Variants in CSMD1 observed in about 807,000 individuals in gnomAD.
CSMD1 encodes CUB and Sushi multiple domains 1, also known as CUB and sushi domain-containing protein 1.
A neutral mutation model predicts 417.5 loss-of-function variants in CSMD1; 213 were observed. That is an observed-to-expected ratio of 0.51 (90% confidence interval 0.46 to 0.57). The LOEUF is 0.57. Ranked by LOEUF, CSMD1 falls within the 20% of genes least tolerant of loss-of-function variation. The pLI, the probability that CSMD1 is intolerant of heterozygous loss-of-function variation, is 0.00. For missense variants in CSMD1, 6,923 were observed against 4,529.7 expected (o/e 1.53, Z -15.17); for synonymous variants, 2,862 against 1,736.8 (o/e 1.65, Z -16.11).
chr8:4,778,788 A>T (rs985802577), intron 1 of CSMD1, among the ~76,000 whole-genome samples: 1 of 152,260 alleles, frequency 6.6e-6, no homozygotes, highest in Non-Finnish European at 1.5e-5. Context: ...CATAACATAC[A>T]CTTCATTAGG....
chr8:3,903,844 G>A (rs1807929574), intron 5 of CSMD1, among the ~76,000 whole-genome samples: 1 of 151,998 alleles, frequency 6.6e-6, no homozygotes, highest in South Asian at 2.1e-4. Flanking sequence ...CTCTTTAGTG[G>A]TCTTGTTTGT....
intron 3 of CSMD1, among the ~76,000 whole-genome samples, chr8:4,161,010 C>T (rs1306510523): frequency 1.3e-5 from 2 of 152,174 alleles, no homozygotes; most frequent in East Asian, 1.9e-4. Context: ...TGTCCTTCTT[C>T]TTCTGGTTTG....
chr8:3,401,476 G>A (rs1259146638), intron 15 of CSMD1, among the ~76,000 whole-genome samples: 2 of 152,060 alleles, frequency 1.3e-5, no homozygotes, highest in African/African-American at 2.4e-5. Context: ...TAATAACACT[G>A]CCGATGAGCA....
intron 33 of CSMD1, among the ~76,000 whole-genome samples, chr8:3,199,081 A>G (rs947554918): frequency 6.6e-6 from 1 of 152,246 alleles, no homozygotes; most frequent in African/African-American, 2.4e-5. Flanking sequence ...AATGCAAAAC[A>G]AAAGTGAAAC....
intron 1 of CSMD1, among the ~76,000 whole-genome samples, chr8:4,939,075 C>A (rs1807812042): frequency 6.6e-6 from 1 of 152,166 alleles, no homozygotes; most frequent in African/African-American, 2.4e-5. Context: ...GCAAATAATT[C>A]TCCCCCCTCT....
intron 1 of CSMD1, among the ~76,000 whole-genome samples, chr8:4,781,670 G>C (rs1402060508): frequency 2.0e-5 from 3 of 152,134 alleles, no homozygotes; most frequent in Non-Finnish European, 4.4e-5. Flanking sequence ...CTGTAAAATG[G>C]TATCGGTCAT....
intron 3 of CSMD1, among the ~76,000 whole-genome samples, chr8:4,104,151 G>C (rs763196497): frequency 4.6e-5 from 7 of 152,232 alleles, no homozygotes; most frequent in Non-Finnish European, 8.8e-5. Flanking sequence ...GTCTGCAGCA[G>C]TTACTGTCCT....
intron 50 of CSMD1, among the ~76,000 whole-genome samples, chr8:3,044,202 G>T (rs1202286478): frequency 1.3e-5 from 2 of 152,190 alleles, no homozygotes; most frequent in African/African-American, 4.8e-5. Flanking sequence ...TAACCAGACT[G>T]TACTGTCCTT....
chr8:4,571,273 G>T (rs1186612540), intron 2 of CSMD1, among the ~76,000 whole-genome samples: 1 of 152,158 alleles, frequency 6.6e-6, no homozygotes, highest in Non-Finnish European at 1.5e-5. Flanking sequence ...TCTCATGTGA[G>T]AATTTAGCAC....
intron 46 of CSMD1, among the ~76,000 whole-genome samples, chr8:3,104,472 T>C (rs888434731): frequency 6.6e-6 from 1 of 152,158 alleles, no homozygotes; most frequent in Non-Finnish European, 1.5e-5. Flanking sequence ...GGTCTGGCCC[T>C]CTGCTCAGGT....
At chr8:3,513,140 T>C (rs1425603079) in intron 10 of CSMD1, among the ~76,000 whole-genome samples, 2 of 151,820 alleles carry the variant, frequency 1.3e-5, no homozygotes, top group African/African-American at 4.9e-5. Flanking sequence ...TTTTTTTATA[T>C]GCCTTTATGG....
At chr8:4,166,788 T>C (rs559543324) in intron 3 of CSMD1, among the ~76,000 whole-genome samples, 171 of 152,320 alleles carry the variant, frequency 1.1e-3, no homozygotes, top group Middle Eastern at 6.8e-3. Context: ...CCTACCAAAA[T>C]GATCAGGGTG....
intron 3 of CSMD1, among the ~76,000 whole-genome samples, chr8:4,275,767 A>G (rs749787708): frequency 6.6e-5 from 10 of 152,256 alleles, no homozygotes; most frequent in Non-Finnish European, 1.0e-4. Context: ...CTTTAGTCAC[A>G]GAATAAAAAC....
At chr8:3,595,982 G>C (rs973415011) in intron 8 of CSMD1, among the ~76,000 whole-genome samples, 1 of 152,174 alleles carries the variant, frequency 6.6e-6, no homozygotes. Context: ...CAAGGTGAAA[G>C]CCCCTTTGCC....
intron 37 of CSMD1, among the ~76,000 whole-genome samples, chr8:3,179,166 C>G (rs532756446): frequency 4.0e-5 from 6 of 151,572 alleles, no homozygotes; most frequent in South Asian, 2.1e-4. Flanking sequence ...AGGACTGTCT[C>G]GATCTCCTGA....
chr8:4,124,673 G>C (rs1047881708), intron 3 of CSMD1, among the ~76,000 whole-genome samples: 3 of 152,192 alleles, frequency 2.0e-5, no homozygotes, highest in African/African-American at 7.2e-5. Flanking sequence ...GGCTAATCTG[G>C]CTGGACTTCC....
intron 7 of CSMD1, among the ~76,000 whole-genome samples, chr8:3,662,458 G>C (rs1319800923): frequency 6.6e-6 from 1 of 152,120 alleles, no homozygotes; most frequent in Admixed American, 6.6e-5. Flanking sequence ...ATTTGGGTTG[G>C]TTCCAAGTCT....
intron 12 of CSMD1, among the ~76,000 whole-genome samples, chr8:3,431,186 G>T (rs1278237191): frequency 2.0e-5 from 3 of 152,104 alleles, no homozygotes; most frequent in East Asian, 3.9e-4. Context: ...GGATGATGGA[G>T]ATTAGGATTT....
intron 2 of CSMD1, among the ~76,000 whole-genome samples, chr8:4,466,092 C>G (rs1197740629): frequency 6.6e-6 from 1 of 152,146 alleles, no homozygotes; most frequent in Non-Finnish European, 1.5e-5. Context: ...GATTAAATAT[C>G]ATGACACCAG....
Sources: allele counts gnomAD v4.1 joint callset (sites outside exome capture counted in the v4.1 genomes callset), GRCh38; gene constraint gnomAD v4.1.1; transcripts MANE v1.5; gene names NCBI Gene and HGNC (gene_info 2026-07-23, HGNC 2026-07-21).